The following COL4A1 variants were observed in gnomAD, a reference collection of about 807,000 sequenced individuals.
COL4A1 encodes collagen alpha-1(IV) chain.
Under a neutral mutation model 216.6 loss-of-function variants are expected in COL4A1, and 40 were observed. The ratio of observed to expected loss-of-function variants is 0.18; its 90% CI spans 0.14 to 0.24. The LOEUF is 0.24. Among genes scored for constraint, COL4A1 ranks in the 10% least tolerant of loss-of-function variants. The pLI is 1.00. For missense variants in COL4A1, 1,628 were observed against 2,196.8 expected (o/e 0.74, Z 5.18); for synonymous variants, 839 against 810.7 (o/e 1.03, Z -0.59).
chr13:110,246,727 A>G (rs1037040134), intron 1 of COL4A1, among the ~76,000 whole-genome samples: 1 of 152,186 alleles, frequency 6.6e-6, no homozygotes. Flanking sequence ...AAGCTCCCAT[A>G]CCATCTGTTT....
chr13:110,197,205 C>T (rs1424784669), intron 21 of COL4A1, among the ~76,000 whole-genome samples: 1 of 149,356 alleles, frequency 6.7e-6, no homozygotes, highest in Non-Finnish European at 1.5e-5. Flanking sequence ...CCACAATCCC[C>T]TGCCCACCCC....
intron 2 of COL4A1, among the ~76,000 whole-genome samples, chr13:110,224,729 T>C (rs1880658006): frequency 2.0e-5 from 3 of 152,186 alleles, no homozygotes. Context: ...TGTTGAAAAA[T>C]GCCAATTAGT....
intron 19 of COL4A1, among the ~76,000 whole-genome samples, chr13:110,201,122 G>A (rs888954821): frequency 4.6e-5 from 7 of 151,960 alleles, no homozygotes; most frequent in African/African-American, 1.7e-4. Flanking sequence ...GGAACTTGGA[G>A]GAGACCTGGT....
At chr13:110,293,852 G>A (rs1431502329) in intron 1 of COL4A1, among the ~76,000 whole-genome samples, 3 of 152,136 alleles carry the variant, frequency 2.0e-5, no homozygotes, top group Non-Finnish European at 4.4e-5. Flanking sequence ...AGGACAATTC[G>A]CCAACATATT....
chr13:110,303,874 A>G (rs1371574196), intron 1 of COL4A1, among the ~76,000 whole-genome samples: 6 of 152,240 alleles, frequency 3.9e-5, no homozygotes. Flanking sequence ...TGTGTGTGGA[A>G]TGAAGGAAGG....
rs1382588744 is a variant in COL4A1, at chr13:110,255,165, G to T, written c.85-12431C>A. Among the ~76,000 whole-genome samples, 6 of 152,354 alleles carry T rather than the reference G, an allele frequency of 3.9e-5. No homozygotes were observed. The East Asian group carries it at 1.2e-3, about 29-fold the overall frequency. On this transcript the variant is annotated intron_variant, in intron 1 of 51. Coordinates refer to ENST00000375820, the MANE Select transcript of COL4A1 (RefSeq NM_001845.6). ...TGCCTGAAGGCCAGAGTGCTGCAAGGACACTGGTGGGGCAGCTGCCTGTGC... is the reference window on the plus strand; with the variant it reads ...TGCCTGAAGGCCAGAGTGCTGCAAGTACACTGGTGGGGCAGCTGCCTGTGC...
At position 110,191,892 on chromosome 13, in the gene COL4A1, T is replaced by C. The variant is rs115965032; in HGVS notation, c.1536+322A>G. ...TGTGGGGGTGGCTCCTGTGACACCA[T>C]TTGTTTCCAGAAATCCCAGAGACCC... On this transcript the variant is annotated intron_variant, in intron 24 of 51. Coordinates refer to ENST00000375820, the MANE Select transcript of COL4A1 (RefSeq NM_001845.6). 6.8e-3 allele frequency among the ~76,000 whole-genome samples: 1,037 copies of C among 152,300 alleles called. 10 individuals are homozygous for C. Among genetic ancestry groups the C allele is most frequent in the African/African-American group, 0.024 (987 of 41,554 alleles).
At chr13:110,214,491 A>G (rs1463750336) in intron 2 of COL4A1, among the ~76,000 whole-genome samples, 1 of 152,150 alleles carries the variant, frequency 6.6e-6, no homozygotes, top group Non-Finnish European at 1.5e-5. Flanking sequence ...GTGTTTCTGG[A>G]AGAGATGGGC....
intron 1 of COL4A1, among the ~76,000 whole-genome samples, chr13:110,265,072 C>T (rs944105970): frequency 6.6e-6 from 1 of 152,226 alleles, no homozygotes; most frequent in African/African-American, 2.4e-5. Flanking sequence ...CATCGATCGG[C>T]CTTGACTGCT....
chr13:110,253,407 T>A (rs12877955), intron 1 of COL4A1, among the ~76,000 whole-genome samples: 2 of 3,792 alleles, frequency 5.3e-4, no homozygotes, highest in East Asian at 0.021. Flanking sequence ...TATAATTATA[T>A]GTATTACATA....
intron 26 of COL4A1, among the ~76,000 whole-genome samples, chr13:110,184,471 C>T (rs746466876): frequency 8.5e-5 from 13 of 152,164 alleles, no homozygotes; most frequent in Non-Finnish European, 1.6e-4. Context: ...CCCGGTATCC[C>T]CTACCTCTAA....
At chr13:110,296,516 G>C (rs1884281479) in intron 1 of COL4A1, among the ~76,000 whole-genome samples, 1 of 152,210 alleles carries the variant, frequency 6.6e-6, no homozygotes. Flanking sequence ...CTCATCTGAA[G>C]ATACAAAGAG....
Position 110,208,007 on chromosome 13 carries a change from G to C in COL4A1, c.694-518C>G, listed in dbSNP as rs984473965. Among the ~76,000 whole-genome samples the C allele has an allele frequency of 2.0e-5, 3 of 152,192 alleles. No individual in the cohort carries two copies. The East Asian group carries it at 5.8e-4, about 29-fold the overall frequency. On this transcript the variant is annotated intron_variant, in intron 12 of 51. Transcript: ENST00000375820. The stretch of plus-strand genomic sequence containing the variant: ...ATGAAAAGACTGGGCCAAAATCTTG[G>C]GTGGCAAGCAGAGGCCACCTGCACA...
At position 110,198,514 on chromosome 13, in the gene COL4A1, G is replaced by A. The variant is rs758969549; in HGVS notation, c.1238C>T (p.Pro413Leu). The A allele has an allele frequency of 9.3e-6, 15 of 1,613,958 alleles. No homozygotes were observed. The highest frequency in any genetic ancestry group is 7.7e-5 in the South Asian group (7 of 91,066). Residue 413 changes from proline to leucine, a missense_variant, in exon 21 of 52, where the codon CCG (proline) becomes CTG (leucine). Around this residue, in one of 8 missense-constraint regions of COL4A1, gnomAD observed 701 missense variants for 892.5 expected, o/e 0.79. Coordinates refer to ENST00000375820, the MANE Select transcript of COL4A1 (RefSeq NM_001845.6). ...GGGCCCAGGGGAACCAGGAGGACCC[G>A]GGAGCCCATCTCTTCCACTTGGTCC... ...LPGPSGRDGL[P>L]GPPGSPGPPG...
intron 49 of COL4A1, among the ~76,000 whole-genome samples, chr13:110,155,628 T>G (rs562277310): frequency 6.6e-6 from 1 of 152,272 alleles, no homozygotes; most frequent in South Asian, 2.1e-4. Context: ...TAGAGCAGGA[T>G]GGCTGGGGGC....
At chr13:110,223,531 T>C (rs1880600414) in intron 2 of COL4A1, among the ~76,000 whole-genome samples, 1 of 152,208 alleles carries the variant, frequency 6.6e-6, no homozygotes, top group Admixed American at 6.5e-5. Flanking sequence ...TTCTCAAATA[T>C]ATATTTTTAA....
chr13:110,152,793 T>C (rs1876571476), intron 50 of COL4A1, among the ~76,000 whole-genome samples: 2 of 152,238 alleles, frequency 1.3e-5, no homozygotes, highest in Admixed American at 6.5e-5. Context: ...AAAGAAGAGC[T>C]CACTGTGTAT....
At chr13:110,298,427 T>G (rs1258586101) in intron 1 of COL4A1, among the ~76,000 whole-genome samples, 1 of 152,230 alleles carries the variant, frequency 6.6e-6, no homozygotes, top group East Asian at 1.9e-4. Flanking sequence ...TTAATATTAT[T>G]GATTCTGGAC....
chr13:110,160,225 G>A (rs1175165725), intron 49 of COL4A1, among the ~76,000 whole-genome samples: 1 of 147,568 alleles, frequency 6.8e-6, no homozygotes, highest in African/African-American at 2.6e-5. Context: ...GGTGGATCAT[G>A]AGGTCAGGAG....
Sources: gnomAD v4.1 joint callset for allele counts (sites outside exome capture counted in the v4.1 genomes callset) on GRCh38, gnomAD v4.1.1 for gene constraint, gnomAD v4.1.1 regional missense constraint, MANE v1.5 for transcripts, NCBI Gene and HGNC (gene_info 2026-07-23, HGNC 2026-07-21) for gene names.